GTF2IRD2B: variants seen among roughly 807,000 people sequenced by gnomAD.
The protein encoded by GTF2IRD2B is general transcription factor II-I repeat domain-containing protein 2B.
GTF2IRD2B carries 10 observed loss-of-function variants against 55.6 expected under a neutral mutation model. The observed-to-expected ratio is 0.18, with a 90% CI of 0.11 to 0.31. GTF2IRD2B has a LOEUF of 0.31. GTF2IRD2B is among the 10% of genes least tolerant of loss of function. GTF2IRD2B has a pLI of 1.00. For missense variants in GTF2IRD2B, 206 were observed against 802.7 expected (o/e 0.26, Z 8.98); for synonymous variants, 107 against 320.5 (o/e 0.33, Z 7.12).
At chr7:75,102,802 A>G (rs1554449664) in intron 1 of GTF2IRD2B, among the ~76,000 whole-genome samples, 5 of 151,538 alleles carry the variant, frequency 3.3e-5, no homozygotes, top group Admixed American at 6.6e-5. Context: ...TACTAAAAAC[A>G]CAAAAAATTA....
At chr7:75,104,616 C>T (rs1554421422) in intron 1 of GTF2IRD2B, among the ~76,000 whole-genome samples, 26 of 152,382 alleles carry the variant, frequency 1.7e-4, no homozygotes, top group South Asian at 8.3e-4. Context: ...ATAAAGATTA[C>T]GAATGGAAAT....
chr7:75,112,488 C>G lies in GTF2IRD2B; in HGVS notation c.191C>G (p.Ala64Gly). The G allele has an allele frequency of 1.3e-6, 1 of 800,000 alleles. No individual in the cohort carries two copies. Among genetic ancestry groups the G allele is most frequent in the South Asian group, 1.5e-5 (1 of 68,080 alleles). 49.6% of individuals were successfully genotyped at this position (800,000 alleles called of 1,614,324 possible). The change falls in exon 3 of 16, where the codon GCT becomes GGT. Residue 64 changes from alanine (A) to glycine (G), a missense_variant. Ala to Gly is a moderately conservative substitution (Grantham distance 60). Coordinates refer to ENST00000472837, the MANE Select transcript of GTF2IRD2B (RefSeq NM_001003795.3). Reference protein sequence around the residue: ...VFVVGTERGCAFVNARTDFQK... With the variant: ...VFVVGTERGCGFVNARTDFQK... The stretch of plus-strand genomic sequence containing the variant: ...GTCGTCGGAACCGAGAGAGGATGCG[C>G]TTTTGTTAATGCCAGGACGGATTTT...
At chr7:75,105,206 CAAAA>C (rs782706581) in intron 1 of GTF2IRD2B, among the ~76,000 whole-genome samples, 12 of 150,646 alleles carry the variant, frequency 8.0e-5, no homozygotes, top group Non-Finnish European at 1.5e-4. Flanking sequence ...AAACAAAAAA[CAAAA>C]AAAAAACAAC....
intron 3 of GTF2IRD2B, among the ~76,000 whole-genome samples, chr7:75,117,142 C>T (rs1431418603): frequency 6.7e-6 from 1 of 150,058 alleles, no homozygotes; most frequent in Non-Finnish European, 1.5e-5. Context: ...TGGCTTTTGT[C>T]CTTTATTCTG....
intron 3 of GTF2IRD2B, among the ~76,000 whole-genome samples, chr7:75,118,989 T>TCAGGCTGG (rs1808264061): frequency 8.2e-6 from 1 of 122,586 alleles, no homozygotes. Flanking sequence ...AGATCAGTAG[T>TCAGGCTGG]TCTAGACCAG....
Position 75,124,045 on chromosome 7 carries a change from A to T in GTF2IRD2B, c.571+529A>T, listed in dbSNP as rs190908227. Among the ~76,000 whole-genome samples, 134 of 149,218 alleles carry T rather than the reference A, an allele frequency of 9.0e-4. 2 individuals carry two copies. Among genetic ancestry groups the T allele is most frequent in the East Asian group, 8.9e-3 (43 of 4,838 alleles). ...TTAGAAGAAATAAAGAATATTTTTT[A>T]AAAAAAGAAAAATACATTTGTAGCT... is the stretch of plus-strand genomic sequence containing the variant. On this transcript the variant is annotated intron_variant, in intron 6 of 15. Transcript: ENST00000472837.
chr7:75,093,154 AG>A (rs1807317383), intron 1 of GTF2IRD2B, among the ~76,000 whole-genome samples: 1 of 151,296 alleles, frequency 6.6e-6, no homozygotes, highest in South Asian at 2.1e-4. Flanking sequence ...CGCTGTTACC[AG>A]GCAACTGCGC....
At chr7:75,135,329 T>C (rs1372627017) in intron 10 of GTF2IRD2B, among the ~76,000 whole-genome samples, 1 of 151,750 alleles carries the variant, frequency 6.6e-6, no homozygotes, top group Admixed American at 6.6e-5. Flanking sequence ...AGACGGGATT[T>C]CACCATGTTG....
rs782411398 is a variant in GTF2IRD2B, at chr7:75,120,022, AG to A, written c.239-867del. ...CAGGCACCTGTAGTCCCAGCTACTC[AG>A]GAGGCTGAGGCAGGAGAATGGCGTG... On this transcript the variant is annotated intron_variant, in intron 3 of 15. Transcript: ENST00000472837. Among the ~76,000 whole-genome samples, 599 of 126,482 alleles carry A rather than the reference AG, an allele frequency of 4.7e-3. 160 individuals are homozygous for A. The highest frequency in any genetic ancestry group is 0.023 in the African/African-American group (575 of 25,150). 83.0% of individuals were successfully genotyped at this position (126,482 alleles called of 152,430 possible).
At chr7:75,121,938 AT>A (rs1324006328) in intron 4 of GTF2IRD2B, among the ~76,000 whole-genome samples, 2 of 127,166 alleles carry the variant, frequency 1.6e-5, no homozygotes, top group Admixed American at 7.9e-5. Flanking sequence ...CTTTTTTTGT[AT>A]TTTTTGGTAG....
At chr7:75,105,566 TTAA>T (rs1357834714) in intron 1 of GTF2IRD2B, among the ~76,000 whole-genome samples, 3 of 152,300 alleles carry the variant, frequency 2.0e-5, no homozygotes, top group African/African-American at 7.2e-5. Context: ...ACCATTCTGT[TTAA>T]TAATAATAGA....
chr7:75,136,294 TTC>T (rs1808833749), intron 10 of GTF2IRD2B, among the ~76,000 whole-genome samples: 1 of 132,982 alleles, frequency 7.5e-6, no homozygotes, highest in East Asian at 2.0e-4. Context: ...ACCAAAATGA[TTC>T]TGTTTTTTTT....
At chr7:75,117,149 T>G (rs1265950534) in intron 3 of GTF2IRD2B, among the ~76,000 whole-genome samples, 2 of 150,626 alleles carry the variant, frequency 1.3e-5, no homozygotes, top group African/African-American at 4.9e-5. Context: ...TGTCCTTTAT[T>G]CTGTCAATGT....
chr7:75,107,297 C>T (rs1437780350), intron 1 of GTF2IRD2B, among the ~76,000 whole-genome samples: 8 of 152,106 alleles, frequency 5.3e-5, no homozygotes, highest in South Asian at 2.1e-4. Flanking sequence ...GGGTGCGGGC[C>T]GGGCGCGGTG....
intron 1 of GTF2IRD2B, among the ~76,000 whole-genome samples, chr7:75,104,741 A>G (rs1807716514): frequency 2.0e-5 from 3 of 152,284 alleles, no homozygotes; most frequent in Non-Finnish European, 4.4e-5. Context: ...TTGCTTGGTG[A>G]GTGGAATCTA....
chr7:75,130,506 G>C (rs1554452860), intron 8 of GTF2IRD2B, among the ~76,000 whole-genome samples: 1 of 150,604 alleles, frequency 6.6e-6, no homozygotes, highest in African/African-American at 2.5e-5. Context: ...TTGAGACAGA[G>C]TCTCGCTGTC....
intron 11 of GTF2IRD2B, among the ~76,000 whole-genome samples, chr7:75,137,194 T>C (rs1808868008): frequency 6.7e-6 from 1 of 148,356 alleles, no homozygotes; most frequent in Non-Finnish European, 1.5e-5. Flanking sequence ...CAGAGCGAGA[T>C]TCCATCTAAA....
intron 9 of GTF2IRD2B, among the ~76,000 whole-genome samples, chr7:75,134,113 T>C (rs1314831321): frequency 7.6e-6 from 1 of 131,296 alleles, no homozygotes; most frequent in Non-Finnish European, 1.5e-5. Flanking sequence ...CCTGGCCAGG[T>C]GTAGTGTCTC....
At chr7:75,105,272 G>A (rs1231558744) in intron 1 of GTF2IRD2B, among the ~76,000 whole-genome samples, 1 of 152,308 alleles carries the variant, frequency 6.6e-6, no homozygotes, top group African/African-American at 2.4e-5. Context: ...AGGAGGCCGA[G>A]GCGGGCGGAT....
Sources: gnomAD v4.1 joint callset for allele counts (sites outside exome capture counted in the v4.1 genomes callset) on GRCh38, gnomAD v4.1.1 for gene constraint, MANE v1.5 for transcripts, NCBI Gene and HGNC (gene_info 2026-07-23, HGNC 2026-07-21) for gene names.